Variants in PDK1 observed in about 807,000 individuals in gnomAD.
PDK1 encodes the protein [Pyruvate dehydrogenase (acetyl-transferring)] kinase isozyme 1, mitochondrial.
In PDK1, 39 loss-of-function variants were observed where a neutral mutation model predicts 54.2. The ratio of observed to expected loss-of-function variants is 0.72; its 90% CI spans 0.56 to 0.94. PDK1 has a LOEUF of 0.94. Among genes scored for constraint, PDK1 ranks in the 40% least tolerant of loss-of-function variants. PDK1 has a pLI of 0.00. For missense variants in PDK1, 552 were observed against 566.0 expected, an observed-to-expected ratio of 0.98 and a Z score of 0.25; for synonymous variants, 221 against 207.1, an observed-to-expected ratio of 1.07 and a Z score of -0.58.
At chr2:172,703,632 G>C in the PDK1 span, among the ~76,000 whole-genome samples, 1 of 151,958 alleles carries the variant, frequency 6.6e-6, no homozygotes, top group Non-Finnish European at 1.5e-5. Flanking sequence ...TTAGCCGAGG[G>C]AAGCCAGGAA....
intron 8 of PDK1, among the ~76,000 whole-genome samples, chr2:172,578,905 T>G (rs1298975755): frequency 1.3e-5 from 2 of 152,174 alleles, no homozygotes; most frequent in Non-Finnish European, 2.9e-5. Context: ...ACTCTGTGTG[T>G]GTATAGAAGT....
the PDK1 span, among the ~76,000 whole-genome samples, chr2:172,635,257 T>G: frequency 6.6e-6 from 1 of 152,220 alleles, no homozygotes; most frequent in Non-Finnish European, 1.5e-5. Flanking sequence ...TTACCATGCT[T>G]TCTTAGATTC....
chr2:172,688,179 G>A, the PDK1 span, among the ~76,000 whole-genome samples: 221 of 152,324 alleles, frequency 1.5e-3, no homozygotes, highest in Admixed American at 3.4e-3. Flanking sequence ...TCCTTGCAGA[G>A]TATGACCTCT....
intron 9 of PDK1, among the ~76,000 whole-genome samples, chr2:172,589,561 G>T (rs866389325): frequency 6.6e-6 from 1 of 152,224 alleles, no homozygotes. Flanking sequence ...TGTAAGCAGA[G>T]GGCATGGGAA....
At chr2:172,646,095 A>G in the PDK1 span, among the ~76,000 whole-genome samples, 1 of 152,350 alleles carries the variant, frequency 6.6e-6, no homozygotes, top group South Asian at 2.1e-4. Flanking sequence ...CACTGCCCCA[A>G]CTGGATTATT....
At chr2:172,645,225 T>TA in the PDK1 span, among the ~76,000 whole-genome samples, 1 of 140,376 alleles carries the variant, frequency 7.1e-6, no homozygotes. Flanking sequence ...GATAAACATT[T>TA]AAAAGGCTTA....
chr2:172,707,337 C>T, the PDK1 span, among the ~76,000 whole-genome samples: 1 of 152,162 alleles, frequency 6.6e-6, no homozygotes, highest in Non-Finnish European at 1.5e-5. Context: ...CTAGGCTCCC[C>T]AGCAGACTTG....
At chr2:172,630,944 C>A in the PDK1 span, among the ~76,000 whole-genome samples, 1 of 152,176 alleles carries the variant, frequency 6.6e-6, no homozygotes, top group Non-Finnish European at 1.5e-5. Context: ...TCTCATGGAA[C>A]CTTAAGAAGT....
chr2:172,622,732 CATATT>C, the PDK1 span, among the ~76,000 whole-genome samples: 31 of 122,360 alleles, frequency 2.5e-4, no homozygotes, highest in Non-Finnish European at 4.6e-4. Context: ...GTTTATATCT[CATATT>C]ATGTGAGATA....
the PDK1 span, among the ~76,000 whole-genome samples, chr2:172,643,618 G>C: frequency 6.6e-6 from 1 of 152,150 alleles, no homozygotes; most frequent in Non-Finnish European, 1.5e-5. Flanking sequence ...CTAGACTCAA[G>C]GGGTGGCCAA....
the PDK1 span, among the ~76,000 whole-genome samples, chr2:172,657,004 A>T: frequency 6.6e-6 from 1 of 152,036 alleles, no homozygotes; most frequent in African/African-American, 2.4e-5. Context: ...CAATTTGTCA[A>T]TTACAGTTTG....
chr2:172,575,529 A>C (rs1689530906), intron 8 of PDK1, among the ~76,000 whole-genome samples: 1 of 152,202 alleles, frequency 6.6e-6, no homozygotes, highest in African/African-American at 2.4e-5. Flanking sequence ...ATTTATAAAT[A>C]TAAATAATAG....
At chr2:172,707,148 A>C in the PDK1 span, among the ~76,000 whole-genome samples, 1 of 152,096 alleles carries the variant, frequency 6.6e-6, no homozygotes, top group Non-Finnish European at 1.5e-5. Flanking sequence ...GTTTTTCTGG[A>C]TGTGAGTCCA....
At chr2:172,706,132 C>T in the PDK1 span, among the ~76,000 whole-genome samples, 1 of 152,166 alleles carries the variant, frequency 6.6e-6, no homozygotes, top group African/African-American at 2.4e-5. Context: ...TGGTAATATC[C>T]ACACCCTTGT....
the PDK1 span, among the ~76,000 whole-genome samples, chr2:172,707,246 A>C: frequency 6.6e-6 from 1 of 152,144 alleles, no homozygotes; most frequent in Non-Finnish European, 1.5e-5. Context: ...CCTGATCTGT[A>C]CTTGGTCTCC....
chr2:172,590,944 C>A (rs1283519312), intron 9 of PDK1, among the ~76,000 whole-genome samples: 1 of 152,152 alleles, frequency 6.6e-6, no homozygotes, highest in African/African-American at 2.4e-5. Flanking sequence ...CAGTATACCC[C>A]AACTGTTGTT....
At chr2:172,619,013 G>A in the PDK1 span, among the ~76,000 whole-genome samples, 2 of 152,224 alleles carry the variant, frequency 1.3e-5, no homozygotes, top group African/African-American at 4.8e-5. Flanking sequence ...TGGATGAAGT[G>A]CTGCAGTATC....
chr2:172,661,061 C>T, the PDK1 span, among the ~76,000 whole-genome samples: 1 of 152,150 alleles, frequency 6.6e-6, no homozygotes, highest in African/African-American at 2.4e-5. Flanking sequence ...TGTGACCCTA[C>T]AAGATGAGGG....
At chr2:172,660,969 A>G in the PDK1 span, among the ~76,000 whole-genome samples, 1 of 152,184 alleles carries the variant, frequency 6.6e-6, no homozygotes, top group East Asian at 1.9e-4. Context: ...AGTGATATAA[A>G]TAAGTTTGAT....
Sources: allele counts gnomAD v4.1 joint callset (sites outside exome capture counted in the v4.1 genomes callset), GRCh38; gene constraint gnomAD v4.1.1; transcripts MANE v1.5; gene names NCBI Gene and HGNC (gene_info 2026-07-23, HGNC 2026-07-21).